The following KCNK16 variants were observed in gnomAD, a reference collection of about 807,000 sequenced individuals.
KCNK16 encodes the protein potassium channel subfamily K member 16.
A neutral mutation model predicts 23.0 loss-of-function variants in KCNK16; 23 were observed. The observed-to-expected ratio is 1.00, with a 90% CI of 0.72 to 1.41. The LOEUF is 1.41. Ranked by LOEUF, KCNK16 falls within the 40% of genes most tolerant of loss-of-function variation. The pLI is 0.00. For missense variants in KCNK16, 327 were observed against 365.8 expected (o/e 0.89, Z 0.87); for synonymous variants, 145 against 153.5 (o/e 0.94, Z 0.41).
At chr6:39,314,689 A>C (rs578070369), downstream of KCNK16, 8 of 409,662 alleles carry the variant, frequency 2.0e-5, no homozygotes, top group African/African-American at 1.6e-4. Flanking sequence ...TGGAAACCGC[A>C]CTCAGAGGTA....
intron 4 of KCNK16, 145 bp from the exon 5 acceptor site, chr6:39,316,587 G>A (rs774195754): frequency 1.0e-4 from 125 of 1,224,718 alleles, no homozygotes; most frequent in East Asian, 2.4e-4. Flanking sequence ...CTGCAGGGTG[G>A]TGATGGGTCC....
At chr6:39,315,291 C>T (rs1762265400), downstream of KCNK16, 1 of 1,567,136 alleles carries the variant, frequency 6.4e-7, no homozygotes, top group Admixed American at 1.9e-5. Flanking sequence ...GAATGCATTC[C>T]TGAGAGAGGC....
chr6:39,316,643 C>T, intron 4 of KCNK16, 139 bp downstream of exon 4: 2 of 1,213,580 alleles, frequency 1.6e-6, no homozygotes, highest in Non-Finnish European at 2.3e-6. Flanking sequence ...CACAGTAGTC[C>T]CAGAAATCAT....
chr6:39,320,105 C>T (rs973951663), intron 1 of KCNK16, among the ~76,000 whole-genome samples: 6 of 152,174 alleles, frequency 3.9e-5, no homozygotes, highest in Non-Finnish European at 8.8e-5. Context: ...GTTCTGGCTT[C>T]CAATTCCTAT....
rs567047240 is a variant in KCNK16, at chr6:39,322,386, A to G, written c.155T>C (p.Leu52Pro). Residue 52 changes from leucine to proline, a missense_variant, in exon 1 of 5, where the codon CTG (leucine) becomes CCG (proline). By Grantham distance (98) the Leu-to-Pro change is moderately conservative. Coordinates refer to ENST00000437525, the MANE Select transcript of KCNK16 (RefSeq NM_001135106.2). ...GCAGGTGTAGTTCTCCAGGAAGCGC[A>G]GCTTCTCCAACTGAAACTGGTCCCT... Reference protein sequence around the residue: ...QSRDQFQLEKLRFLENYTCLD... With the variant: ...QSRDQFQLEKPRFLENYTCLD... 5.6e-6 allele frequency: 9 copies of G among 1,614,078 alleles called. No individual in the cohort carries two copies. In the African/African-American group the frequency reaches 1.2e-4, roughly 22 times the overall value.
At chr6:39,317,090 G>A in intron 3 of KCNK16, 143 bp from the exon 4 acceptor site, 1 of 795,608 alleles carries the variant, frequency 1.3e-6, no homozygotes, top group Non-Finnish European at 1.9e-6. Flanking sequence ...CGAGGTGGAG[G>A]TTGTATCTAT....
At chr6:39,316,035 C>T (rs529004448), downstream of KCNK16, 144 of 860,208 alleles carry the variant, frequency 1.7e-4, no homozygotes, top group African/African-American at 2.2e-3. Context: ...TCCTATCTCA[C>T]GTCTCCTCTC....
intron 2 of KCNK16, among the ~76,000 whole-genome samples, chr6:39,318,179 C>T (rs77168573): frequency 0.021 from 3,247 of 152,308 alleles, 63 homozygotes; most frequent in Non-Finnish European, 0.028. Context: ...TCCTGACTGC[C>T]GATTTCCTTC....
At chr6:39,320,221 TC>T in intron 1 of KCNK16, among the ~76,000 whole-genome samples, 1 of 140,616 alleles carries the variant, frequency 7.1e-6, no homozygotes, top group African/African-American at 3.3e-5. Context: ...TGTCTGCTTC[TC>T]CTCACTTTGA....
upstream of KCNK16, chr6:39,322,875 A>G (rs953680201): frequency 2.2e-5 from 7 of 315,310 alleles, no homozygotes; most frequent in Non-Finnish European, 3.6e-5. Context: ...AGTTGGATAG[A>G]TGTTTCTGGG....
Position 39,322,658 on chromosome 6 carries a change from C to T in KCNK16, c.-118G>A. On this transcript the variant is annotated 5_prime_UTR_variant, in exon 1 of 5. Coordinates refer to ENST00000437525, the MANE Select transcript of KCNK16 (RefSeq NM_001135106.2). Reference sequence around the variant, plus strand: ...GGCTGCCGCCTGCCCTGCCCTCCTCCTCGGCACAGGTGTCTGGAGGCTGGG... The same window carrying T: ...GGCTGCCGCCTGCCCTGCCCTCCTCTTCGGCACAGGTGTCTGGAGGCTGGG... The T allele has an allele frequency of 1.4e-6, 2 of 1,419,800 alleles. No homozygotes were observed. The highest frequency in any genetic ancestry group is 1.9e-6 in the Non-Finnish European group (2 of 1,075,566). 88.0% of individuals were successfully genotyped at this position (1,419,800 alleles called of 1,614,324 possible). A position where few individuals can be genotyped will look rare whatever the true frequency, so the allele number is the denominator to read the frequency against.
intron 2 of KCNK16, among the ~76,000 whole-genome samples, chr6:39,318,244 G>A (rs930485890): frequency 6.6e-6 from 1 of 152,112 alleles, no homozygotes. Context: ...TGTAATTATC[G>A]ACTTTGTTTT....
At chr6:39,321,146 A>G (rs1046787746) in intron 1 of KCNK16, among the ~76,000 whole-genome samples, 1 of 152,152 alleles carries the variant, frequency 6.6e-6, no homozygotes, top group African/African-American at 2.4e-5. Context: ...ACCCATCCCT[A>G]GAGTTCCTGA....
downstream of KCNK16, chr6:39,315,459 A>G (rs1249414998): frequency 6.5e-7 from 1 of 1,533,340 alleles, no homozygotes; most frequent in Non-Finnish European, 8.8e-7. Flanking sequence ...GGCCATGTTC[A>G]GGAAAGTGGG....
rs779578330 is a variant in KCNK16, at chr6:39,319,101, GTTCACACCT to G, written c.237_245del (p.Lys79_Val81del). 65 of 1,613,892 alleles carry G rather than the reference GTTCACACCT, an allele frequency of 4.0e-5. No homozygotes were observed. Among genetic ancestry groups the G allele is most frequent in the Non-Finnish European group, 5.4e-5 (64 of 1,179,960 alleles). On this transcript the variant is annotated inframe_deletion, in exon 2 of 5. Coordinates refer to ENST00000437525, the MANE Select transcript of KCNK16 (RefSeq NM_001135106.2). The surrounding 1 kb of genome is among the most constrained non-coding windows in gnomAD (Gnocchi z 4.2). ...TGGGGTTGGTAGAGTTGCCTTTGGG[GTTCACACCT>G]TTCACCCAGGCTTCCATGATGACCT... is the stretch of plus-strand genomic sequence containing the variant.
At position 39,317,909 on chromosome 6, in the gene KCNK16, G is replaced by A. The variant is rs1316087452; in HGVS notation, c.372C>T (p.Phe124=). ...TGCCCAACAGGGCATAGAAGACACA[G>A]AAGACCTGACCTGCCTCTGTGCTGG... ...LAPSTEAGQV[F]CVFYALLGIP... The change falls in exon 3 of 5, where the codon TTC becomes TTT. Residue 124 remains phenylalanine, a synonymous_variant. Coordinates refer to ENST00000437525, the MANE Select transcript of KCNK16 (RefSeq NM_001135106.2). The A allele has an allele frequency of 6.2e-7, 1 of 1,613,166 alleles. No individual in the cohort carries two copies.
chr6:39,316,445 G>A lies in KCNK16; in HGVS notation c.662-3C>T, dbSNP rs1271564988. On this transcript the variant is annotated splice_region_variant and splice_polypyrimidine_tract_variant and intron_variant, in intron 4 of 4. Transcript: ENST00000437525. ...ATAATGCTTGCTGGGGTCTGTGCCT[G>A]CCAGGGAAGGGAATGGCATCAATGC... The A allele has an allele frequency of 3.1e-6, 5 of 1,593,344 alleles. No individual in the cohort carries two copies. The highest frequency in any genetic ancestry group is 1.7e-4 in the Middle Eastern group (1 of 5,804).
At position 39,322,554 on chromosome 6, in the gene KCNK16, C is replaced by A. The variant is rs1583793447; in HGVS notation, c.-14G>T. 6.3e-7 allele frequency: 1 copy of A among 1,579,396 alleles called. No individual in the cohort carries two copies. The highest frequency in any genetic ancestry group is 2.3e-5 in the East Asian group (1 of 43,518). On this transcript the variant is annotated 5_prime_UTR_variant, in exon 1 of 5. Transcript: ENST00000437525. ...AGCACTGGGCATGCTGTGGCCAGGA[C>A]CCTGCCAGGGCCGTGGGGCTGGCTA...
At chr6:39,315,114 C>T (rs780630905), downstream of KCNK16, 2 of 1,614,256 alleles carry the variant, frequency 1.2e-6, no homozygotes, top group Admixed American at 1.7e-5. Flanking sequence ...CTTGGCTCCA[C>T]AGCCTTGCCT....
Sources: gnomAD v4.1 joint callset for allele counts (sites outside exome capture counted in the v4.1 genomes callset) on GRCh38, gnomAD v4.1.1 for gene constraint, Gnocchi (gnomAD v3.1) non-coding constraint, MANE v1.5 for transcripts, NCBI Gene and HGNC (gene_info 2026-07-23, HGNC 2026-07-21) for gene names.